Variants in TRPM7 observed in about 807,000 individuals in gnomAD.
The protein encoded by TRPM7 is transient receptor potential cation channel subfamily M member 7.
In TRPM7, 134 loss-of-function variants were observed where a neutral mutation model predicts 229.7. The ratio of observed to expected loss-of-function variants is 0.58; its 90% confidence interval spans 0.51 to 0.67. The LOEUF (loss-of-function observed/expected upper bound fraction) is 0.67, where lower values mean the gene tolerates loss of function less well. Ranked by LOEUF, TRPM7 falls within the 30% of genes least tolerant of loss-of-function variation. The pLI is 0.00. For missense variants in TRPM7, 1,901 were observed against 2,210.0 expected (o/e 0.86, Z 2.80); for synonymous variants, 699 against 715.2 (o/e 0.98, Z 0.36).
At chr15:50,605,181 G>C in intron 20 of TRPM7, 37 bp from the exon 21 acceptor site, 2 of 1,510,752 alleles carry the variant, frequency 1.3e-6, no homozygotes, top group Non-Finnish European at 1.8e-6. Context: ...AGTGTAATCA[G>C]TTTATTCCTA....
At chr15:50,679,375 A>C in intron 1 of TRPM7, among the ~76,000 whole-genome samples, 1 of 149,268 alleles carries the variant, frequency 6.7e-6, no homozygotes, top group East Asian at 1.9e-4. Context: ...GGACGTTCAC[A>C]CTGCGAGTAA....
chr15:50,609,979 T>C lies in TRPM7; in HGVS notation c.2281-18A>G, dbSNP rs755626560. 6 of 1,518,016 alleles carry C rather than the reference T, an allele frequency of 4.0e-6. No individual in the cohort carries two copies. In the African/African-American group the frequency reaches 4.2e-5, roughly 11 times the overall value. 94.0% of individuals were successfully genotyped at this position (1,518,016 alleles called of 1,614,324 possible). A position where few individuals can be genotyped will look rare whatever the true frequency, so the allele number is the denominator to read the frequency against. ...AGTATGACCTAAATTTTTAGAAACA[T>C]AATTTTGCATTTAAAAATTAATGAC... On this transcript the variant is annotated intron_variant, in intron 17 of 38. Transcript: ENST00000646667.
chr15:50,596,393 A>G lies in TRPM7; in HGVS notation c.3164-12T>C, dbSNP rs1409792722. The G allele has an allele frequency of 3.9e-6, 6 of 1,558,300 alleles. No individual in the cohort carries two copies. In the South Asian group the frequency reaches 4.9e-5, roughly 13 times the overall value. ...ATCATTTGCACACACTTTAGAGAGA[A>G]AAAAAGAAAAAAACAAAAACAACTT... On this transcript the variant is annotated splice_polypyrimidine_tract_variant and intron_variant, in intron 22 of 38. Coordinates refer to ENST00000646667, the MANE Select transcript of TRPM7 (RefSeq NM_017672.6).
rs1179651299 is a variant in TRPM7, at chr15:50,599,212, G to A, written c.3073C>T (p.His1025Tyr). ...GCAAGAGTCCAAGATGGTGCTTCAT[G>A]AGGATAAAGTATTGCCTTTCTGGGA... Reference protein sequence around the residue: ...GVPRKAILYPHEAPSWTLAKD... With the variant: ...GVPRKAILYPYEAPSWTLAKD... Residue 1025 changes from histidine (H) to tyrosine (Y), a missense_variant, in exon 22 of 39, where the codon CAT (histidine) becomes TAT (tyrosine). His to Tyr is a moderately conservative substitution (Grantham distance 83). Transcript: ENST00000646667. 1 of 1,613,118 alleles carries A rather than the reference G, an allele frequency of 6.2e-7. No individual in the cohort carries two copies. Among genetic ancestry groups the A allele is most frequent in the Non-Finnish European group, 8.5e-7 (1 of 1,179,240 alleles).
intron 36 of TRPM7, among the ~76,000 whole-genome samples, chr15:50,570,381 A>T (rs1432214979): frequency 6.6e-6 from 1 of 152,168 alleles, no homozygotes; most frequent in Admixed American, 6.5e-5. Context: ...AATGTGAACA[A>T]GAGTTAAACG....
At chr15:50,622,371 TAAC>T (rs977732724) in intron 12 of TRPM7, among the ~76,000 whole-genome samples, 21 of 152,346 alleles carry the variant, frequency 1.4e-4, no homozygotes, top group African/African-American at 5.1e-4. Flanking sequence ...ATGCTGAAAG[TAAC>T]TACAGTATTA....
chr15:50,610,024 AC>A (rs748938201), intron 17 of TRPM7, 63 bp from the exon 18 acceptor site: 17 of 1,194,630 alleles, frequency 1.4e-5, no homozygotes, highest in Non-Finnish European at 1.9e-5. Context: ...TATAATAAAA[AC>A]AAAACAAAGA....
chr15:50,596,235 C>T lies in TRPM7; in HGVS notation c.3290+20G>A, dbSNP rs200613673. The T allele has an allele frequency of 2.1e-6, 3 of 1,441,510 alleles. No homozygotes were observed. The highest frequency in any genetic ancestry group is 2.9e-5 in the African/African-American group (2 of 69,554). The allele number at this position is 1,441,510 out of a possible 1,614,324, so 89.3% of individuals were successfully genotyped here. Reference sequence around the variant, plus strand: ...GCATATTAAATCATCTTATAACAAACAATTGAACAAAATTCTTACTTGAAA... The same window carrying T: ...GCATATTAAATCATCTTATAACAAATAATTGAACAAAATTCTTACTTGAAA... On this transcript the variant is annotated intron_variant, in intron 23 of 38. Coordinates refer to ENST00000646667, the MANE Select transcript of TRPM7 (RefSeq NM_017672.6).
At chr15:50,583,864 G>C (rs2054551697) in intron 28 of TRPM7, among the ~76,000 whole-genome samples, 1 of 152,124 alleles carries the variant, frequency 6.6e-6, no homozygotes, top group Admixed American at 6.6e-5. Context: ...GTGAGCCACT[G>C]CGCCTAGCCA....
chr15:50,677,609 C>T (rs1438075626), intron 1 of TRPM7, among the ~76,000 whole-genome samples: 2 of 151,600 alleles, frequency 1.3e-5, no homozygotes, highest in Admixed American at 6.6e-5. Context: ...TGTGGTGTCA[C>T]GCGCCTGTAA....
intron 28 of TRPM7, among the ~76,000 whole-genome samples, chr15:50,583,722 A>G (rs2054543601): frequency 1.3e-5 from 2 of 151,920 alleles, no homozygotes; most frequent in Non-Finnish European, 2.9e-5. Flanking sequence ...CATTACAGGC[A>G]TGTGCCACCA....
chr15:50,593,546 C>A, intron 25 of TRPM7, 71 bp downstream of exon 25: 1 of 1,446,054 alleles, frequency 6.9e-7, no homozygotes, highest in South Asian at 1.2e-5. Flanking sequence ...TAACAATGAC[C>A]ATGTATAAGA....
At chr15:50,657,957 A>G (rs1567098761) in intron 2 of TRPM7, 138 bp from the exon 3 acceptor site, 1 of 558,436 alleles carries the variant, frequency 1.8e-6, no homozygotes, top group East Asian at 3.0e-5. Context: ...TAGTTCACGT[A>G]TACCTTGATT....
chr15:50,619,823 A>G (rs1444268715), intron 12 of TRPM7, 25 bp from the exon 13 acceptor site: 1 of 1,581,318 alleles, frequency 6.3e-7, no homozygotes, highest in East Asian at 2.3e-5. Flanking sequence ...AGTTACAGCA[A>G]ACTATTATTT....
intron 28 of TRPM7, among the ~76,000 whole-genome samples, chr15:50,583,803 A>G (rs1034596346): frequency 6.6e-6 from 1 of 151,750 alleles, no homozygotes; most frequent in Non-Finnish European, 1.5e-5. Context: ...CAAACTCCTG[A>G]CCTCAGGTGA....
chr15:50,627,915 T>G (rs910878719), intron 11 of TRPM7, among the ~76,000 whole-genome samples: 4 of 152,212 alleles, frequency 2.6e-5, no homozygotes, highest in Admixed American at 2.6e-4. Flanking sequence ...TTTTAAAGCT[T>G]CTTTCAGTTC....
chr15:50,610,106 A>C (rs919408179), intron 17 of TRPM7, 145 bp from the exon 18 acceptor site: 8 of 603,482 alleles, frequency 1.3e-5, no homozygotes, highest in African/African-American at 5.6e-5. Flanking sequence ...GGGAAAAAAA[A>C]CAACAAATTG....
In TRPM7 at chr15:50,607,239, A is replaced by G. The variant is rs2059941394; in HGVS notation, c.2670T>C (p.Ile890=). ...CAATGGCATAAGTAAAAATATAAGCAATAACAATCCATTCTTGAACTGAAG... is the reference window on the plus strand; with the variant it reads ...CAATGGCATAAGTAAAAATATAAGCGATAACAATCCATTCTTGAACTGAAG... ...QLPSVQEWIV[I]AYIFTYAIEK... Residue 890 remains isoleucine, a synonymous_variant, in exon 20 of 39, where the codon ATT becomes ATC. Coordinates refer to ENST00000646667, the MANE Select transcript of TRPM7 (RefSeq NM_017672.6). The G allele has an allele frequency of 6.2e-7, 1 of 1,611,790 alleles. No individual in the cohort carries two copies. Among genetic ancestry groups the G allele is most frequent in the Admixed American group, 1.7e-5 (1 of 59,692 alleles).
Position 50,643,559 on chromosome 15 carries a change from A to C in TRPM7, c.322-6T>G, listed in dbSNP as rs545237790. ...TCATATGATAGCCTCACATACTAGAAAAAGATTTTAAAAGGAGAAAATAAT... is the reference window on the plus strand; with the variant it reads ...TCATATGATAGCCTCACATACTAGACAAAGATTTTAAAAGGAGAAAATAAT... On this transcript the variant is annotated splice_polypyrimidine_tract_variant and splice_region_variant and intron_variant, in intron 4 of 38. Transcript: ENST00000646667. 5 of 1,606,156 alleles carry C rather than the reference A, an allele frequency of 3.1e-6. No individual in the cohort carries two copies. Among genetic ancestry groups the C allele is most frequent in the African/African-American group, 1.3e-5 (1 of 74,720 alleles).
Sources: allele counts gnomAD v4.1 joint callset (sites outside exome capture counted in the v4.1 genomes callset), GRCh38; gene constraint gnomAD v4.1.1; transcripts MANE v1.5; gene names NCBI Gene and HGNC (gene_info 2026-07-23, HGNC 2026-07-21).